The following CRYBG1 variants were observed in gnomAD, a reference collection of about 807,000 sequenced individuals.
CRYBG1 encodes beta/gamma crystallin domain-containing protein 1.
Under a neutral mutation model 189.2 loss-of-function variants are expected in CRYBG1, and 139 were observed. That is an observed-to-expected ratio of 0.73 (90% CI 0.64 to 0.85). CRYBG1 has a LOEUF of 0.85. CRYBG1 is among the 40% of genes least tolerant of loss of function. CRYBG1 has a pLI of 0.00. For missense variants in CRYBG1, 2,611 were observed against 2,675.8 expected (o/e 0.98, Z 0.53); for synonymous variants, 1,023 against 1,017.1 (o/e 1.01, Z -0.11).
chr6:106,401,311 C>T (rs1770714930), intron 1 of CRYBG1, among the ~76,000 whole-genome samples: 1 of 151,694 alleles, frequency 6.6e-6, no homozygotes, highest in Non-Finnish European at 1.5e-5. Flanking sequence ...AGGGTATAAC[C>T]TTCATTCAGA....
intron 2 of CRYBG1, among the ~76,000 whole-genome samples, chr6:106,455,547 C>A (rs1285272743): frequency 1.3e-5 from 2 of 150,310 alleles, no homozygotes; most frequent in African/African-American, 2.4e-5. Flanking sequence ...AATATAATAT[C>A]TTCAAAGAGA....
At chr6:106,554,892 C>T (rs1222133816) in intron 16 of CRYBG1, among the ~76,000 whole-genome samples, 5 of 151,958 alleles carry the variant, frequency 3.3e-5, no homozygotes, top group African/African-American at 7.3e-5. Flanking sequence ...CAGGGCCAGG[C>T]ACGGTGACTC....
At chr6:106,564,711 A>C (rs9486398) in intron 21 of CRYBG1, among the ~76,000 whole-genome samples, 1 of 151,980 alleles carries the variant, frequency 6.6e-6, no homozygotes, top group Non-Finnish European at 1.5e-5. Flanking sequence ...TAAAAATAAC[A>C]TAAGAATGAC....
chr6:106,421,555 G>T (rs1310590534), intron 1 of CRYBG1, among the ~76,000 whole-genome samples: 2 of 152,110 alleles, frequency 1.3e-5, no homozygotes, highest in Non-Finnish European at 2.9e-5. Flanking sequence ...AGAGAGTAGG[G>T]TCTCTTCATG....
At chr6:106,422,977 T>C (rs778952805) in intron 1 of CRYBG1, among the ~76,000 whole-genome samples, 66 of 152,292 alleles carry the variant, frequency 4.3e-4, no homozygotes, top group Admixed American at 1.3e-3. Flanking sequence ...TGGATAGTGA[T>C]TAAAATACTC....
intron 1 of CRYBG1, among the ~76,000 whole-genome samples, chr6:106,384,905 A>C (rs1770355514): frequency 2.3e-5 from 2 of 87,794 alleles, no homozygotes; most frequent in East Asian, 3.4e-4. Flanking sequence ...CTCTTTCAAA[A>C]TCTCTGCTAA....
At chr6:106,411,847 AG>A (rs1167894067) in intron 1 of CRYBG1, among the ~76,000 whole-genome samples, 4 of 152,220 alleles carry the variant, frequency 2.6e-5, no homozygotes, top group African/African-American at 9.6e-5. Context: ...ACCTGGAGTC[AG>A]ATGTCCAAGG....
At chr6:106,563,060 G>T (rs1482157954) in intron 20 of CRYBG1, among the ~76,000 whole-genome samples, 1 of 152,166 alleles carries the variant, frequency 6.6e-6, no homozygotes, top group Non-Finnish European at 1.5e-5. Context: ...CTCCCAAAGA[G>T]TTGGGATTAC....
rs1020914143 is a variant in CRYBG1, at chr6:106,418,710, T to A, written c.174-32984T>A. ...GCATTGTACCATTGAAGCAATGTTA[T>A]TCGTCTGGGGTAATATCCGAGGTTT... On this transcript the variant is annotated intron_variant, in intron 1 of 21. Coordinates refer to ENST00000633556, the MANE Select transcript of CRYBG1 (RefSeq NM_001371242.2). Among the ~76,000 whole-genome samples, 3 of 152,350 alleles carry A rather than the reference T, an allele frequency of 2.0e-5. No homozygotes were observed. In the East Asian group the frequency reaches 5.8e-4, roughly 29 times the overall value.
At chr6:106,532,879 A>C (rs1773908842) in intron 8 of CRYBG1, among the ~76,000 whole-genome samples, 1 of 152,184 alleles carries the variant, frequency 6.6e-6, no homozygotes, top group Admixed American at 6.5e-5. Flanking sequence ...TTGGGACTTT[A>C]ACAAATATAA....
intron 1 of CRYBG1, among the ~76,000 whole-genome samples, chr6:106,431,763 G>C (rs1323338749): frequency 6.6e-6 from 1 of 152,096 alleles, no homozygotes; most frequent in Non-Finnish European, 1.5e-5. Flanking sequence ...AAGTGACAAA[G>C]GGGCCCTTTG....
At chr6:106,510,363 C>T (rs1180993777) in intron 2 of CRYBG1, among the ~76,000 whole-genome samples, 1 of 152,228 alleles carries the variant, frequency 6.6e-6, no homozygotes, top group African/African-American at 2.4e-5. Flanking sequence ...AACCCCGGAG[C>T]GCCACCGCGC....
rs892423159 is a variant in CRYBG1, at chr6:106,512,461, C to T, written c.1344C>T (p.Phe448=). The change falls in exon 3 of 22, where the codon TTC becomes TTT. Residue 448 remains phenylalanine, a synonymous_variant. Coordinates refer to ENST00000633556, the MANE Select transcript of CRYBG1 (RefSeq NM_001371242.2). ...PESAARDDAV[F]DDEVAPNAAS... ...GCGCTGCCAGGGACGACGCGGTGTT[C>T]GACGACGAGGTGGCGCCAAACGCGG... 6.2e-6 allele frequency: 10 copies of T among 1,610,730 alleles called. 1 individual carries two copies. In the East Asian group the frequency reaches 1.3e-4, roughly 22 times the overall value.
In CRYBG1 at chr6:106,432,658, A is replaced by T. The variant is rs545821719; in HGVS notation, c.174-19036A>T. Among the ~76,000 whole-genome samples the T allele has an allele frequency of 1.3e-4, 20 of 152,272 alleles. No homozygotes were observed. In the East Asian group the frequency reaches 3.9e-3, roughly 29 times the overall value. On this transcript the variant is annotated intron_variant, in intron 1 of 21. Coordinates refer to ENST00000633556, the MANE Select transcript of CRYBG1 (RefSeq NM_001371242.2). ...GGGCTCTGCTAAACAGGTGCAAAAAAATGGAGTTCTCTGGTAGACTCTTGG... is the reference window on the plus strand; with the variant it reads ...GGGCTCTGCTAAACAGGTGCAAAAATATGGAGTTCTCTGGTAGACTCTTGG...
At chr6:106,561,631 TG>T in intron 20 of CRYBG1, 131 bp downstream of exon 20, 3 of 1,185,768 alleles carry the variant, frequency 2.5e-6, no homozygotes, top group South Asian at 1.6e-5. Context: ...GAAATGAATT[TG>T]TTTTTTTCAT....
chr6:106,474,490 G>A (rs1474230156), intron 2 of CRYBG1, among the ~76,000 whole-genome samples: 1 of 152,120 alleles, frequency 6.6e-6, no homozygotes, highest in Non-Finnish European at 1.5e-5. Context: ...AAGTCATAAA[G>A]GTTTTACTTT....
chr6:106,533,274 C>G (rs912306167), intron 8 of CRYBG1, among the ~76,000 whole-genome samples: 1 of 152,200 alleles, frequency 6.6e-6, no homozygotes, highest in African/African-American at 2.4e-5. Context: ...TGCAAAAGCC[C>G]TTCTGGGCAT....
At position 106,512,064 on chromosome 6, in the gene CRYBG1, C is replaced by T. The variant is rs1374918924; in HGVS notation, c.947C>T (p.Ala316Val). The T allele has an allele frequency of 6.5e-7, 1 of 1,533,652 alleles. No individual in the cohort carries two copies. Among genetic ancestry groups the T allele is most frequent in the African/African-American group, 1.4e-5 (1 of 73,108 alleles). Residue 316 changes from alanine (A) to valine (V), a missense_variant, in exon 3 of 22, where the codon GCC becomes GTC. Around this residue, in one of 3 missense-constraint regions of CRYBG1, gnomAD observed 985 missense variants for 924.4 expected, o/e 1.07. Coordinates refer to ENST00000633556, the MANE Select transcript of CRYBG1 (RefSeq NM_001371242.2). ...GGACTAGGCGAGGCCCCTAACGGAG[C>T]CCCCAGTGTGTGTGCCGAAGAAGGC... ...AGGLGEAPNG[A>V]PSVCAEEGSL...
intron 1 of CRYBG1, among the ~76,000 whole-genome samples, chr6:106,365,234 G>A (rs1771963301): frequency 6.6e-6 from 1 of 152,070 alleles, no homozygotes; most frequent in Non-Finnish European, 1.5e-5. Context: ...TTCAAGACCA[G>A]CCTGGCCAAC....
Sources: gnomAD v4.1 joint callset for allele counts (sites outside exome capture counted in the v4.1 genomes callset) on GRCh38, gnomAD v4.1.1 for gene constraint, gnomAD v4.1.1 regional missense constraint, MANE v1.5 for transcripts, NCBI Gene and HGNC (gene_info 2026-07-23, HGNC 2026-07-21) for gene names.